Variants in STK10 observed in about 807,000 individuals in gnomAD.
STK10 encodes the protein serine/threonine-protein kinase 10.
In STK10, 78 loss-of-function variants were observed where a neutral mutation model predicts 113.8. The observed-to-expected ratio is 0.69, with a 90% CI of 0.57 to 0.83. The LOEUF (loss-of-function observed/expected upper bound fraction) is 0.83. Among genes scored for constraint, STK10 ranks in the 40% least tolerant of loss-of-function variants. STK10 has a pLI of 0.00. For missense variants in STK10, 1,109 were observed against 1,280.1 expected, an observed-to-expected ratio of 0.87 and a Z score of 2.04; for synonymous variants, 465 against 494.7, an observed-to-expected ratio of 0.94 and a Z score of 0.80.
At chr5:172,064,957 C>T (rs923366306) in intron 12 of STK10, 145 bp from the exon 13 acceptor site, 1 of 799,728 alleles carries the variant, frequency 1.3e-6, no homozygotes, top group Admixed American at 2.5e-5. Context: ...CGGCTCCCCA[C>T]CAAGCCCCTC....
intron 14 of STK10, among the ~76,000 whole-genome samples, chr5:172,059,067 C>CA (rs569020989): frequency 0.073 from 10,079 of 138,410 alleles, 461 homozygotes; most frequent in African/African-American, 0.14. Context: ...ACTAAAAATA[C>CA]AAAAAAAAAA....
intron 2 of STK10, among the ~76,000 whole-genome samples, chr5:172,137,688 G>T (rs950183947): frequency 1.3e-5 from 2 of 149,704 alleles, no homozygotes; most frequent in Non-Finnish European, 3.0e-5. Context: ...AGACCATCCT[G>T]GCTAACACAG....
At chr5:172,130,784 C>A (rs1008235911) in intron 2 of STK10, among the ~76,000 whole-genome samples, 3 of 152,070 alleles carry the variant, frequency 2.0e-5, no homozygotes, top group Non-Finnish European at 4.4e-5. Context: ...AAATGAGATT[C>A]CTTACATGAA....
chr5:172,119,857 C>G (rs1398143168), intron 3 of STK10, among the ~76,000 whole-genome samples: 1 of 144,308 alleles, frequency 6.9e-6, no homozygotes, highest in Admixed American at 6.8e-5. Flanking sequence ...GAGCGAGACT[C>G]CATCTCAAAA....
At chr5:172,077,991 G>C (rs888288391) in intron 12 of STK10, among the ~76,000 whole-genome samples, 2 of 96,378 alleles carry the variant, frequency 2.1e-5, no homozygotes, top group African/African-American at 6.3e-5. Flanking sequence ...CTCACCTGGT[G>C]GGGGGGGTCT....
At chr5:172,061,932 C>T (rs144189312) in intron 13 of STK10, among the ~76,000 whole-genome samples, 2 of 151,528 alleles carry the variant, frequency 1.3e-5, no homozygotes, top group African/African-American at 4.8e-5. Context: ...GATTAGGTGA[C>T]AGGTATATGG....
At chr5:172,121,969 G>A (rs930590600) in intron 3 of STK10, among the ~76,000 whole-genome samples, 9 of 151,628 alleles carry the variant, frequency 5.9e-5, no homozygotes, top group African/African-American at 1.2e-4. Flanking sequence ...GGGTTCAAGC[G>A]ATTCTCCTGC....
intron 10 of STK10, among the ~76,000 whole-genome samples, chr5:172,089,443 T>A (rs59825402): frequency 6.3e-4 from 71 of 113,342 alleles, no homozygotes; most frequent in African/African-American, 1.5e-3. Flanking sequence ...GATGGATGGA[T>A]GGATGGTTAG....
At position 172,187,812 on chromosome 5, in the gene STK10, C is replaced by T. The variant is rs561312800; in HGVS notation, c.156+75G>A. On this transcript the variant is annotated intron_variant, in intron 1 of 18. Coordinates refer to ENST00000176763, the MANE Select transcript of STK10 (RefSeq NM_005990.4). The surrounding 1 kb of genome is among the most constrained non-coding windows in gnomAD (Gnocchi z 4.6). ...GCCCTCGGAGCCGGAGCCAGGCTGG[C>T]CGGGTCCGGCTCAGGCATCCCTTCC... 27 of 1,562,360 alleles carry T rather than the reference C, an allele frequency of 1.7e-5. No homozygotes were observed. The African/African-American group carries it at 3.4e-4, about 20-fold the overall frequency.
At chr5:172,068,681 T>C (rs1258744958) in intron 12 of STK10, among the ~76,000 whole-genome samples, 2 of 152,026 alleles carry the variant, frequency 1.3e-5, no homozygotes, top group African/African-American at 4.8e-5. Flanking sequence ...ATAGGCCAGG[T>C]GTGGTGGCTC....
At chr5:172,122,940 A>G (rs572971275) in intron 3 of STK10, among the ~76,000 whole-genome samples, 47 of 152,298 alleles carry the variant, frequency 3.1e-4, no homozygotes, top group Admixed American at 1.3e-3. Flanking sequence ...AAGATGTTTA[A>G]TAGCCAGCAA....
chr5:172,102,814 A>AATGTTACAT (rs1310283558), intron 7 of STK10, among the ~76,000 whole-genome samples: 1 of 152,014 alleles, frequency 6.6e-6, no homozygotes, highest in Non-Finnish European at 1.5e-5. Context: ...GTATGTTAAA[A>AATGTTACAT]ATGTTACATA....
At chr5:172,132,938 T>C (rs1200217482) in intron 2 of STK10, among the ~76,000 whole-genome samples, 2 of 152,162 alleles carry the variant, frequency 1.3e-5, no homozygotes, top group African/African-American at 4.8e-5. Flanking sequence ...GACACGGTCA[T>C]TAACCTGCCT....
At chr5:172,108,837 T>C (rs1011072126) in intron 4 of STK10, among the ~76,000 whole-genome samples, 14 of 151,860 alleles carry the variant, frequency 9.2e-5, no homozygotes, top group African/African-American at 3.4e-4. Context: ...CAGGCTGGAG[T>C]GCAGTGGCGC....
At chr5:172,172,705 C>T (rs111641047) in intron 1 of STK10, among the ~76,000 whole-genome samples, 13 of 152,136 alleles carry the variant, frequency 8.5e-5, no homozygotes, top group African/African-American at 2.9e-4. Context: ...AGTGGCCGGG[C>T]GCAGTGGCTC....
intron 1 of STK10, among the ~76,000 whole-genome samples, chr5:172,174,444 T>A (rs974104110): frequency 6.6e-6 from 1 of 152,078 alleles, no homozygotes; most frequent in African/African-American, 2.4e-5. Flanking sequence ...AGTGCTGGGA[T>A]TACAGGTATG....
At chr5:172,073,670 G>A (rs1768246232) in intron 12 of STK10, among the ~76,000 whole-genome samples, 1 of 151,736 alleles carries the variant, frequency 6.6e-6, no homozygotes, top group Non-Finnish European at 1.5e-5. Context: ...TTCAAGGCCG[G>A]GAGCAGTGGC....
chr5:172,068,923 C>G (rs752196755), intron 12 of STK10, among the ~76,000 whole-genome samples: 1 of 149,412 alleles, frequency 6.7e-6, no homozygotes, highest in Non-Finnish European at 1.5e-5. Context: ...ACAATTATAA[C>G]AAAATTGAGA....
chr5:172,048,603 C>A (rs533776847), intron 18 of STK10, among the ~76,000 whole-genome samples: 2 of 151,768 alleles, frequency 1.3e-5, no homozygotes, highest in African/African-American at 4.9e-5. Context: ...ATTCCCCCAA[C>A]CTCTGATACC....
Sources: gnomAD v4.1 joint callset for allele counts (sites outside exome capture counted in the v4.1 genomes callset) on GRCh38, gnomAD v4.1.1 for gene constraint, Gnocchi (gnomAD v3.1) non-coding constraint, MANE v1.5 for transcripts, NCBI Gene and HGNC (gene_info 2026-07-23, HGNC 2026-07-21) for gene names.